The following TMEFF2 variants were observed in gnomAD, a reference collection of about 807,000 sequenced individuals.
The protein encoded by TMEFF2 is transmembrane protein with EGF like and two follistatin like domains 2.
TMEFF2 carries 28 observed loss-of-function variants against 53.8 expected under a neutral mutation model. The ratio of observed to expected loss-of-function variants is 0.52; its 90% confidence interval spans 0.39 to 0.71. The LOEUF is 0.71. TMEFF2 is among the 30% of genes least tolerant of loss of function. The pLI, the probability that TMEFF2 is intolerant of heterozygous loss-of-function variation, is 0.00. For synonymous variants in TMEFF2, 162 were observed against 166.3 expected, an observed-to-expected ratio of 0.97 and a Z score of 0.20; for missense variants, 353 against 455.2, an observed-to-expected ratio of 0.78 and a Z score of 2.04.
chr2:192,127,873 A>G (rs1024053043), intron 4 of TMEFF2, among the ~76,000 whole-genome samples: 1 of 152,214 alleles, frequency 6.6e-6, no homozygotes, highest in East Asian at 1.9e-4. Flanking sequence ...TTACACTATT[A>G]CATTCTTCTA....
At chr2:192,004,897 G>T (rs1037724945) in intron 5 of TMEFF2, among the ~76,000 whole-genome samples, 1 of 152,170 alleles carries the variant, frequency 6.6e-6, no homozygotes, top group African/African-American at 2.4e-5. Context: ...GATTTGTAAG[G>T]CTGAGGACTG....
chr2:192,156,160 C>T (rs920517602), intron 4 of TMEFF2, among the ~76,000 whole-genome samples: 1 of 151,990 alleles, frequency 6.6e-6, no homozygotes, highest in African/African-American at 2.4e-5. Flanking sequence ...AAAACCTCTG[C>T]CCTCTTGCAG....
intron 7 of TMEFF2, among the ~76,000 whole-genome samples, chr2:191,957,503 T>C (rs565941527): frequency 1.3e-5 from 2 of 152,348 alleles, no homozygotes; most frequent in East Asian, 3.9e-4. Flanking sequence ...CAGTCACGGA[T>C]GATAAGCATA....
At chr2:192,091,468 C>T (rs569325759) in intron 4 of TMEFF2, among the ~76,000 whole-genome samples, 1 of 152,216 alleles carries the variant, frequency 6.6e-6, no homozygotes, top group Non-Finnish European at 1.5e-5. Context: ...TATTTGCTTT[C>T]TAAAAGAGAG....
intron 7 of TMEFF2, among the ~76,000 whole-genome samples, chr2:191,980,099 G>A (rs1181874973): frequency 6.6e-6 from 1 of 152,156 alleles, no homozygotes; most frequent in Non-Finnish European, 1.5e-5. Context: ...TTTAGGCACT[G>A]CATTTACAGG....
chr2:192,008,385 C>T (rs1407147687), intron 5 of TMEFF2, among the ~76,000 whole-genome samples: 1 of 152,174 alleles, frequency 6.6e-6, no homozygotes, highest in Non-Finnish European at 1.5e-5. Flanking sequence ...ATTGCCTTTT[C>T]CTCAGGATTA....
In TMEFF2 at chr2:191,952,098, C is replaced by CT. The variant is rs1691903108; in HGVS notation, c.1028+1580dup. ...TGTGAAGTCAGCAATTTGCCAACTTCTACCTCAGGGTCTCTATCTTGAAAG... is the reference window on the plus strand; with the variant it reads ...TGTGAAGTCAGCAATTTGCCAACTTCTTACCTCAGGGTCTCTATCTTGAAAG... On this transcript the variant is annotated intron_variant, in intron 9 of 9. Coordinates refer to ENST00000272771, the MANE Select transcript of TMEFF2 (RefSeq NM_016192.4). 2.6e-5 allele frequency among the ~76,000 whole-genome samples: 4 copies of CT among 152,308 alleles called. No individual in the cohort carries two copies. The South Asian group carries it at 8.3e-4, about 32-fold the overall frequency.
chr2:192,192,688 C>T (rs968034836), intron 1 of TMEFF2, among the ~76,000 whole-genome samples: 14 of 152,168 alleles, frequency 9.2e-5, no homozygotes, highest in Non-Finnish European at 1.9e-4. Flanking sequence ...TTGCAAATGT[C>T]AACTTCACAT....
chr2:191,998,740 T>G (rs530427182), intron 6 of TMEFF2, among the ~76,000 whole-genome samples: 24 of 152,142 alleles, frequency 1.6e-4, no homozygotes, highest in Non-Finnish European at 3.1e-4. Context: ...AATAAATTCT[T>G]AGATTCGTTT....
At chr2:191,955,172 AGG>A (rs1166742199) in intron 8 of TMEFF2, among the ~76,000 whole-genome samples, 42 of 1,794 alleles carry the variant, frequency 0.023, 2 homozygotes, top group South Asian at 0.12. Context: ...TGGGAGAGAG[AGG>A]GAGAGAGAGA....
At chr2:192,175,990 A>T (rs1363809208) in intron 4 of TMEFF2, among the ~76,000 whole-genome samples, 1 of 151,452 alleles carries the variant, frequency 6.6e-6, no homozygotes, top group Non-Finnish European at 1.5e-5. Context: ...ATTATTCTTT[A>T]ACCACCCACA....
chr2:191,989,904 C>T (rs993540561), intron 7 of TMEFF2, among the ~76,000 whole-genome samples: 1 of 152,130 alleles, frequency 6.6e-6, no homozygotes, highest in Non-Finnish European at 1.5e-5. Context: ...TTTCTTCTTG[C>T]ATACTGAAAC....
At chr2:191,994,621 A>G (rs796524003) in intron 7 of TMEFF2, among the ~76,000 whole-genome samples, 15 of 152,078 alleles carry the variant, frequency 9.9e-5, no homozygotes, top group African/African-American at 3.6e-4. Context: ...TGCAAATTTC[A>G]AGAGGTGTAA....
chr2:192,126,787 A>G (rs1689688096), intron 4 of TMEFF2, among the ~76,000 whole-genome samples: 1 of 152,222 alleles, frequency 6.6e-6, no homozygotes, highest in Admixed American at 6.5e-5. Context: ...GTTAAACTCC[A>G]AAACCTGTCC....
rs991236071 is a variant in TMEFF2, at chr2:192,194,089, C to T, written c.172+264G>A. Among the ~76,000 whole-genome samples, 13 of 152,178 alleles carry T rather than the reference C, an allele frequency of 8.5e-5. No homozygotes were observed. The highest frequency in any genetic ancestry group is 1.8e-4 in the Non-Finnish European group (12 of 68,038). ...GAAAACCATCCCGTTTAATATTTCT[C>T]AAAATCCTCGCAGCTCCAATGTAAG... On this transcript the variant is annotated intron_variant, in intron 1 of 9. Coordinates refer to ENST00000272771, the MANE Select transcript of TMEFF2 (RefSeq NM_016192.4). The surrounding 1 kb of genome is among the most constrained non-coding windows in gnomAD (Gnocchi z 4.2).
chr2:192,010,522 C>CTT (rs76444188), intron 5 of TMEFF2, among the ~76,000 whole-genome samples: 3 of 151,712 alleles, frequency 2.0e-5, no homozygotes, highest in South Asian at 2.1e-4. Flanking sequence ...ATTACTGCCA[C>CTT]TTTTTTTTCC....
chr2:192,036,007 G>A (rs1435646820), intron 5 of TMEFF2: 1 of 152,168 alleles, frequency 6.6e-6, no homozygotes, highest in Non-Finnish European at 1.5e-5. Flanking sequence ...TGCTCATGTG[G>A]ATCAAATGAC....
intron 4 of TMEFF2, among the ~76,000 whole-genome samples, chr2:192,073,957 C>T (rs1688351336): frequency 6.6e-6 from 1 of 151,850 alleles, no homozygotes; most frequent in Non-Finnish European, 1.5e-5. Context: ...ATAGATGAAA[C>T]TCCCAGTGGT....
intron 4 of TMEFF2, among the ~76,000 whole-genome samples, chr2:192,075,320 T>TAAATAAATAA (rs1255621791): frequency 1.1e-5 from 1 of 87,920 alleles, no homozygotes; most frequent in African/African-American, 4.0e-5. Flanking sequence ...TATATATATA[T>TAAATAAATAA]ATATATATAT....
Sources: allele counts gnomAD v4.1 joint callset (sites outside exome capture counted in the v4.1 genomes callset), GRCh38; gene constraint gnomAD v4.1.1; non-coding constraint Gnocchi (gnomAD v3.1); transcripts MANE v1.5; gene names NCBI Gene and HGNC (gene_info 2026-07-23, HGNC 2026-07-21).